The following CPS1 variants were observed in gnomAD, a reference collection of about 807,000 sequenced individuals.
CPS1 encodes carbamoyl-phosphate synthase 1, also known as carbamoyl-phosphate synthase [ammonia], mitochondrial.
CPS1 carries 109 observed loss-of-function variants against 174.6 expected under a neutral mutation model. The observed-to-expected ratio is 0.62, with a 90% confidence interval of 0.53 to 0.73. The LOEUF (loss-of-function observed/expected upper bound fraction) is 0.73, where lower values mean the gene tolerates loss of function less well. Ranked by LOEUF, CPS1 falls within the 30% of genes least tolerant of loss-of-function variation. CPS1 has a pLI of 0.00. For missense variants in CPS1, 1,689 were observed against 1,821.9 expected, an observed-to-expected ratio of 0.93 and a Z score of 1.33; for synonymous variants, 637 against 632.0, an observed-to-expected ratio of 1.01 and a Z score of -0.12.
intron 25 of CPS1, among the ~76,000 whole-genome samples, chr2:210,645,620 A>C (rs939499527): frequency 2.0e-5 from 3 of 152,074 alleles, no homozygotes; most frequent in Admixed American, 6.6e-5. Context: ...CATCTCTACT[A>C]AAAATAAAAA....
chr2:210,497,909 T>TATATATATATATATATATATATAG (rs1695038471), intron 1 of CPS1, among the ~76,000 whole-genome samples: 1 of 139,536 alleles, frequency 7.2e-6, no homozygotes, highest in Non-Finnish European at 1.5e-5. Flanking sequence ...TATATATATA[T>TATATATATATATATATATATATAG]ATATATATAT....
In CPS1 at chr2:210,677,259, AT is replaced by A. The variant is rs991320943; in HGVS notation, c.4404+128del. 6 of 995,562 alleles carry A rather than the reference AT, an allele frequency of 6.0e-6. No homozygotes were observed. In the African/African-American group the frequency reaches 8.1e-5, roughly 13 times the overall value. 61.7% of individuals were successfully genotyped at this position (995,562 alleles called of 1,614,324 possible). On this transcript the variant is annotated intron_variant, in intron 37 of 37. Coordinates refer to ENST00000233072, the MANE Select transcript of CPS1 (RefSeq NM_001875.5). ...TTTGTAACTTTCAGAATAGAGAGGA[AT>A]TTTTAATAATCTAAAATAATGATGC...
chr2:210,639,199 T>C lies in CPS1; in HGVS notation c.2879T>C (p.Val960Ala). Residue 960 changes from valine (V) to alanine (A), a missense_variant, in exon 23 of 38, where the codon GTT becomes GCT. By Grantham distance (64) the Val-to-Ala change is moderately conservative (BLOSUM62 0). Coordinates refer to ENST00000233072, the MANE Select transcript of CPS1 (RefSeq NM_001875.5). ...EYPSVTNYLY[V>A]TYNGQEHDVN... ...CCATCAGTAACAAACTATCTCTATG[T>C]TACCTACAATGGTCAGGTAGGAATG... The C allele has an allele frequency of 6.2e-7, 1 of 1,613,058 alleles. No homozygotes were observed. The highest frequency in any genetic ancestry group is 1.1e-5 in the South Asian group (1 of 91,010).
At chr2:210,537,306 T>C (rs1172007771) in intron 1 of CPS1, among the ~76,000 whole-genome samples, 1 of 152,198 alleles carries the variant, frequency 6.6e-6, no homozygotes, top group African/African-American at 2.4e-5. Context: ...ATGTGAATAA[T>C]ATTTTTTCTT....
intron 8 of CPS1, 139 bp downstream of exon 8, chr2:210,590,373 T>TAG (rs1213997583): frequency 7.8e-6 from 10 of 1,289,536 alleles, no homozygotes. Context: ...GCAGTGTCAG[T>TAG]AGAGATATTC....
intron 20 of CPS1, among the ~76,000 whole-genome samples, chr2:210,612,905 T>C (rs890574613): frequency 3.3e-5 from 5 of 152,016 alleles, no homozygotes; most frequent in Non-Finnish European, 7.4e-5. Flanking sequence ...AATGCCATGT[T>C]AATCTACTTT....
intron 1 of CPS1, among the ~76,000 whole-genome samples, chr2:210,545,141 T>C (rs575978881): frequency 4.1e-4 from 63 of 152,188 alleles, no homozygotes; most frequent in African/African-American, 1.3e-3. Context: ...AAGATTAATC[T>C]CCTTAAAACA....
chr2:210,524,959 C>T (rs925039800), intron 1 of CPS1, among the ~76,000 whole-genome samples: 3 of 151,980 alleles, frequency 2.0e-5, no homozygotes, highest in African/African-American at 7.2e-5. Context: ...TTAGTTTTTA[C>T]AATCTCTATT....
At chr2:210,534,737 T>C (rs1696202784) in intron 1 of CPS1, among the ~76,000 whole-genome samples, 1 of 152,208 alleles carries the variant, frequency 6.6e-6, no homozygotes, top group Admixed American at 6.5e-5. Flanking sequence ...CTGAAAACAG[T>C]TACTTTTGCT....
At chr2:210,534,876 G>C (rs1696206675) in intron 1 of CPS1, among the ~76,000 whole-genome samples, 1 of 152,154 alleles carries the variant, frequency 6.6e-6, no homozygotes, top group South Asian at 2.1e-4. Flanking sequence ...CTGGCATGAG[G>C]GGAGGAGTGT....
rs191956653 is a variant in CPS1 at position 210,603,563 on chromosome 2, A to G, written c.1836+1233A>G. 4.6e-5 allele frequency among the ~76,000 whole-genome samples: 7 copies of G among 152,040 alleles called. No individual in the cohort carries two copies. The East Asian group carries it at 1.4e-3, about 30-fold the overall frequency. ...GTTAGAGGCTCCAAATATTTTCAAT[A>G]TTAACAACTTCATAACTGCCAATTG... On this transcript the variant is annotated intron_variant, in intron 16 of 37. Coordinates refer to ENST00000233072, the MANE Select transcript of CPS1 (RefSeq NM_001875.5).
intron 25 of CPS1, among the ~76,000 whole-genome samples, chr2:210,645,881 G>T (rs1322334813): frequency 6.6e-6 from 1 of 152,164 alleles, no homozygotes; most frequent in Non-Finnish European, 1.5e-5. Flanking sequence ...CAGAAGGATA[G>T]TGTGAAAGTC....
rs532508712 is a variant in CPS1 at position 210,544,864 on chromosome 2, T to G, written c.4-11855T>G. On this transcript the variant is annotated intron_variant, in intron 1 of 38. Coordinates refer to the CPS1 transcript ENST00000430249. ...ATTTACTGAGGAAATACGTTGACTT[T>G]GAGAATTTCTTTATGGAGTTGAAGT... Among the ~76,000 whole-genome samples the G allele has an allele frequency of 3.9e-5, 6 of 152,194 alleles. No individual in the cohort carries two copies. In the South Asian group the frequency reaches 1.2e-3, roughly 32 times the overall value.
chr2:210,593,615 A>G (rs1698383861), intron 11 of CPS1: 3 of 985,272 alleles, frequency 3.0e-6, no homozygotes, highest in African/African-American at 3.5e-5. Context: ...TGACTTCCCC[A>G]CACCCAGGGG....
intron 1 of CPS1, among the ~76,000 whole-genome samples, chr2:210,561,108 A>G (rs992053764): frequency 2.0e-5 from 3 of 152,146 alleles, no homozygotes; most frequent in African/African-American, 7.2e-5. Flanking sequence ...TCTAAAATAT[A>G]GATTCATTTA....
Position 210,508,937 on chromosome 2 carries a change from A to G in CPS1, c.3+31171A>G, listed in dbSNP as rs182148803. On this transcript the variant is annotated intron_variant, in intron 1 of 38. Transcript: ENST00000430249. ...CGGGACCAGACAGATTCACAGCTGA[A>G]TTCTACCAGAGGTACAAGGAGGAGC... Among the ~76,000 whole-genome samples, 319 of 152,350 alleles carry G rather than the reference A, an allele frequency of 2.1e-3. 2 individuals carry two copies. The highest frequency in any genetic ancestry group is 7.3e-3 in the African/African-American group (302 of 41,578).
chr2:210,563,630 T>G (rs10804185), intron 1 of CPS1, among the ~76,000 whole-genome samples: 31,004 of 152,148 alleles, frequency 0.2, 3,687 homozygotes, highest in Middle Eastern at 0.32. Flanking sequence ...GTCCTTAGAA[T>G]TAGTTCAGAA....
chr2:210,602,119 C>T (rs914370974), intron 15 of CPS1, 83 bp from the exon 16 acceptor site: 2 of 1,558,038 alleles, frequency 1.3e-6, no homozygotes, highest in African/African-American at 2.7e-5. Context: ...GTTGGTTTAC[C>T]TGATTGCCAG....
intron 1 of CPS1, among the ~76,000 whole-genome samples, chr2:210,561,087 A>G (rs1697083383): frequency 6.6e-6 from 1 of 152,096 alleles, no homozygotes. Flanking sequence ...CATTTTTTAT[A>G]TCCCCAATTT....
Sources: allele counts gnomAD v4.1 joint callset (sites outside exome capture counted in the v4.1 genomes callset), GRCh38; gene constraint gnomAD v4.1.1; transcripts MANE v1.5; gene names NCBI Gene and HGNC (gene_info 2026-07-23, HGNC 2026-07-21).